The following PLXNA1 variants were observed in gnomAD, a reference collection of about 807,000 sequenced individuals.
The protein encoded by PLXNA1 is plexin-A1.
In PLXNA1, 77 loss-of-function variants were observed where a neutral mutation model predicts 191.7. The observed-to-expected ratio is 0.40, with a 90% CI of 0.33 to 0.49. The LOEUF is 0.49. PLXNA1 is among the 20% of genes least tolerant of loss of function. The pLI is 0.63. For missense variants in PLXNA1, 2,110 were observed against 2,660.2 expected, an observed-to-expected ratio of 0.79 and a Z score of 4.55; for synonymous variants, 1,137 against 1,156.4, an observed-to-expected ratio of 0.98 and a Z score of 0.34.
At chr3:127,005,353 A>G in intron 7 of PLXNA1, 110 bp downstream of exon 7, 1 of 1,331,362 alleles carries the variant, frequency 7.5e-7, no homozygotes, top group Non-Finnish European at 1.0e-6. Context: ...CATGTTGGTG[A>G]CACTCTGACA....
intron 10 of PLXNA1, among the ~76,000 whole-genome samples, 165 bp downstream of exon 10, chr3:127,012,323 G>T (rs2079100129): frequency 6.6e-6 from 1 of 152,252 alleles, no homozygotes; most frequent in Admixed American, 6.5e-5. Flanking sequence ...CCATTGCCAG[G>T]CCCTTCAGAT....
rs761815059 is a variant in PLXNA1, at chr3:127,016,590, A to T, written c.3088A>T (p.Ile1030Phe). ...TGGCAGCGCTCCCATCATCATCAAC[A>T]TCAACCGCGCCCAGCTCACCAACCC... ...SPGSAPIIININRAQLTNPEV... is the reference protein window; with the variant it reads ...SPGSAPIIINFNRAQLTNPEV... Residue 1030 changes from isoleucine to phenylalanine, a missense_variant, in exon 16 of 32, where the codon ATC (isoleucine) becomes TTC (phenylalanine). This residue lies in a region of PLXNA1 where 644 missense variants were observed against 714.3 expected (regional missense o/e 0.90). Coordinates refer to ENST00000393409, the MANE Select transcript of PLXNA1 (RefSeq NM_032242.4). 5 of 1,613,416 alleles carry T rather than the reference A, an allele frequency of 3.1e-6. No homozygotes were observed. In the African/African-American group the frequency reaches 6.7e-5, roughly 22 times the overall value.
At chr3:127,027,901 G>T in intron 23 of PLXNA1, 39 bp from the exon 24 acceptor site, 1 of 1,610,696 alleles carries the variant, frequency 6.2e-7, no homozygotes, top group Non-Finnish European at 8.5e-7. Flanking sequence ...GGGTAGGCCC[G>T]GGGGTCCTGG....
chr3:127,012,305 TC>T (rs1181806135), intron 10 of PLXNA1, 147 bp downstream of exon 10: 9 of 840,442 alleles, frequency 1.1e-5, no homozygotes, highest in Non-Finnish European at 1.5e-5. Context: ...ACTCCTGGCT[TC>T]CCCAGGCCAT....
intron 2 of PLXNA1, 79 bp from the exon 3 acceptor site, chr3:126,991,305 T>C: frequency 6.5e-7 from 1 of 1,530,610 alleles, no homozygotes; most frequent in Non-Finnish European, 8.9e-7. Flanking sequence ...ACAACTGCAC[T>C]CCCAGCCCTG....
chr3:127,008,251 G>A (rs1410794956), intron 9 of PLXNA1, among the ~76,000 whole-genome samples: 1 of 152,130 alleles, frequency 6.6e-6, no homozygotes, highest in African/African-American at 2.4e-5. Flanking sequence ...GCTCCTGGGT[G>A]CAATTGGGGG....
At position 127,030,326 on chromosome 3, in the gene PLXNA1, C is replaced by T; in HGVS notation, c.5145C>T (p.Ile1715=). 2.5e-6 allele frequency: 4 copies of T among 1,614,060 alleles called. No homozygotes were observed. Among genetic ancestry groups the T allele is most frequent in the Non-Finnish European group, 3.4e-6 (4 of 1,180,030 alleles). Residue 1715 remains isoleucine, a synonymous_variant, in exon 29 of 32, where the codon ATC becomes ATT. Coordinates refer to ENST00000393409, the MANE Select transcript of PLXNA1 (RefSeq NM_032242.4). ...AHRGSALPLA[I]KYMFDFLDEQ... is the part of the protein sequence containing the mutation. ...GGGGCTCAGCCCTGCCGCTGGCCAT[C>T]AAGTACATGTTCGACTTCCTGGATG...
chr3:127,027,788 G>C (rs781195471), intron 23 of PLXNA1, 152 bp from the exon 24 acceptor site: 18 of 984,708 alleles, frequency 1.8e-5, no homozygotes, highest in Non-Finnish European at 2.6e-5. Flanking sequence ...CTGGGCTTTG[G>C]GACTAAGGCT....
At chr3:127,007,414 A>G (rs1232939616) in intron 8 of PLXNA1, among the ~76,000 whole-genome samples, 7 of 152,244 alleles carry the variant, frequency 4.6e-5, no homozygotes, top group Admixed American at 3.9e-4. Flanking sequence ...TAAGTTTGCC[A>G]AAAGGAGTCA....
intron 3 of PLXNA1, among the ~76,000 whole-genome samples, chr3:127,000,919 T>C (rs1477712470): frequency 6.6e-6 from 1 of 152,170 alleles, no homozygotes; most frequent in Non-Finnish European, 1.5e-5. Context: ...GGCCATGCCA[T>C]GGCCTCTCCT....
Position 127,032,445 on chromosome 3 carries a change from C to T in PLXNA1, c.5290C>T (p.His1764Tyr). The change falls in exon 30 of 32, where the codon CAC becomes TAC. Residue 1764 changes from histidine to tyrosine, a missense_variant. Physicochemically the swap from His to Tyr is moderately conservative, Grantham distance 83 (BLOSUM62 2). Around this residue, in one of 4 missense-constraint regions of PLXNA1, gnomAD observed 559 missense variants for 911.5 expected, o/e 0.61. Transcript: ENST00000393409. ...GAACCCACAGTTTGTGTTCGACATTCACAAGAACAGCATCACGGACGCCTG... is the reference window on the plus strand; with the variant it reads ...GAACCCACAGTTTGTGTTCGACATTTACAAGAACAGCATCACGGACGCCTG... ...IKNPQFVFDIHKNSITDACLS... is the reference protein window; with the variant it reads ...IKNPQFVFDIYKNSITDACLS... 6.2e-7 allele frequency: 1 copy of T among 1,614,066 alleles called. No homozygotes were observed. The highest frequency in any genetic ancestry group is 8.5e-7 in the Non-Finnish European group (1 of 1,180,016).
At position 127,014,819 on chromosome 3, in the gene PLXNA1, C is replaced by T. The variant is rs751628859; in HGVS notation, c.2865C>T (p.Arg955=). The change falls in exon 14 of 32, where the codon CGC becomes CGT. Residue 955 remains arginine, a synonymous_variant. Coordinates refer to ENST00000393409, the MANE Select transcript of PLXNA1 (RefSeq NM_032242.4). ...SPHYRALSPK[R]FTFVTPTFYR... is the part of the protein sequence containing the mutation. ...ACTACCGCGCCCTGTCACCCAAGCG[C>T]TTCACCTTCGTGGTGAGTCTGCTGC... The T allele has an allele frequency of 1.9e-6, 3 of 1,612,456 alleles. No homozygotes were observed. In the Admixed American group the frequency reaches 5.0e-5, roughly 27 times the overall value.
chr3:126,990,904 G>A (rs889696690), intron 2 of PLXNA1, among the ~76,000 whole-genome samples: 1 of 152,154 alleles, frequency 6.6e-6, no homozygotes, highest in Non-Finnish European at 1.5e-5. Flanking sequence ...CCAAGGCTGG[G>A]GCCTGCTCTT....
intron 3 of PLXNA1, among the ~76,000 whole-genome samples, chr3:126,992,872 A>T (rs1177112103): frequency 6.6e-6 from 1 of 151,720 alleles, no homozygotes; most frequent in South Asian, 2.1e-4. Context: ...CTCAGCCTGC[A>T]CTCCCTCTCC....
Position 127,029,980 on chromosome 3 carries a change from C to T in PLXNA1, c.4977C>T (p.Asn1659=). The T allele has an allele frequency of 1.2e-6, 2 of 1,613,784 alleles. No individual in the cohort carries two copies. The highest frequency in any genetic ancestry group is 1.7e-6 in the Non-Finnish European group (2 of 1,179,958). The change falls in exon 28 of 32, where the codon AAC becomes AAT. Residue 1659 remains asparagine (N), a synonymous_variant. Transcript: ENST00000393409. The part of the protein sequence containing the change: ...SGTKLWHLVK[N]HDHLDQREGD... Reference sequence around the variant, plus strand: ...CCAAGCTGTGGCACCTGGTGAAGAACCACGACCACCTGGACCAGCGTGAGG... The same window carrying T: ...CCAAGCTGTGGCACCTGGTGAAGAATCACGACCACCTGGACCAGCGTGAGG...
intron 3 of PLXNA1, among the ~76,000 whole-genome samples, chr3:126,996,885 A>G (rs918870414): frequency 5.3e-5 from 8 of 152,198 alleles, no homozygotes; most frequent in African/African-American, 1.9e-4. Flanking sequence ...TGTGCCCTGC[A>G]TGGTCAGCCT....
chr3:127,014,456 C>A (rs1196769368), intron 12 of PLXNA1, 22 bp from the exon 13 acceptor site: 1 of 1,597,394 alleles, frequency 6.3e-7, no homozygotes, highest in Non-Finnish European at 8.5e-7. Flanking sequence ...GATGCCTGTA[C>A]CCCAGCCTCT....
chr3:126,988,398 A>G (rs571676277), intron 1 of PLXNA1, among the ~76,000 whole-genome samples, 123 bp from the exon 2 acceptor site: 13 of 152,222 alleles, frequency 8.5e-5, no homozygotes, highest in Non-Finnish European at 1.9e-4. Context: ...CTGGTGGGTC[A>G]GGTTCTGCCT....
intron 1 of PLXNA1, among the ~76,000 whole-genome samples, chr3:126,984,168 G>A (rs1176360039): frequency 6.6e-6 from 1 of 152,194 alleles, no homozygotes; most frequent in Non-Finnish European, 1.5e-5. Context: ...GAGGCCCCTC[G>A]GTCGGCGTGA....
Sources: allele counts gnomAD v4.1 joint callset (sites outside exome capture counted in the v4.1 genomes callset), GRCh38; gene constraint gnomAD v4.1.1; regional missense constraint gnomAD v4.1.1; transcripts MANE v1.5; gene names NCBI Gene and HGNC (gene_info 2026-07-23, HGNC 2026-07-21).